Variants in FSHR observed in about 807,000 individuals in gnomAD.
The protein encoded by FSHR is follicle-stimulating hormone receptor.
Under a neutral mutation model 52.1 loss-of-function variants are expected in FSHR, and 46 were observed. The observed-to-expected ratio is 0.88, with a 90% CI of 0.70 to 1.13. FSHR has a LOEUF of 1.13. Among genes scored for constraint, FSHR ranks in the 50% most tolerant of loss-of-function variants. The probability of loss-of-function intolerance (pLI) is 0.00; values close to 1 mark genes in which losing one functional copy is unlikely to be tolerated. For missense variants in FSHR, 964 were observed against 834.6 expected (o/e 1.16, Z -1.91); for synonymous variants, 399 against 309.6 (o/e 1.29, Z -3.03).
chr2:49,131,750 T>C (rs1236845787), intron 1 of FSHR, among the ~76,000 whole-genome samples: 1 of 152,220 alleles, frequency 6.6e-6, no homozygotes, highest in Non-Finnish European at 1.5e-5. Flanking sequence ...ATTATTTCCT[T>C]CAGGAACAAG....
At chr2:49,096,811 C>T (rs759196014) in intron 1 of FSHR, among the ~76,000 whole-genome samples, 1 of 152,168 alleles carries the variant, frequency 6.6e-6, no homozygotes, top group Non-Finnish European at 1.5e-5. Flanking sequence ...GCACCATCCC[C>T]TTAGTGCTGT....
intron 8 of FSHR, among the ~76,000 whole-genome samples, chr2:48,971,647 T>C (rs1423704996): frequency 6.6e-6 from 1 of 152,214 alleles, no homozygotes; most frequent in Admixed American, 6.5e-5. Flanking sequence ...CCTATATACT[T>C]ACTGATTTTT....
chr2:48,972,133 T>C lies in FSHR; in HGVS notation c.669-3250A>G, dbSNP rs149669536. On this transcript the variant is annotated intron_variant, in intron 8 of 9. Coordinates refer to ENST00000406846, the MANE Select transcript of FSHR (RefSeq NM_000145.4). ...AGACTTTGAATAATAAAAATGGCCT[T>C]CCTGATATTTTCTGAAAATCTGTTC... 4.8e-3 allele frequency among the ~76,000 whole-genome samples: 724 copies of C among 152,290 alleles called. 6 individuals are homozygous for C. The highest frequency in any genetic ancestry group is 0.017 in the African/African-American group (697 of 41,548).
intron 2 of FSHR, among the ~76,000 whole-genome samples, chr2:49,050,588 T>C (rs765441959): frequency 6.6e-6 from 1 of 152,182 alleles, no homozygotes; most frequent in Non-Finnish European, 1.5e-5. Flanking sequence ...CAGACTACCT[T>C]GGGTTTAAAT....
chr2:49,138,241 T>C (rs1454204312), intron 1 of FSHR, among the ~76,000 whole-genome samples: 1 of 152,052 alleles, frequency 6.6e-6, no homozygotes, highest in Non-Finnish European at 1.5e-5. Context: ...TGTGAAAAAA[T>C]AGTAAACCTC....
At chr2:49,124,231 G>C (rs987582356) in intron 1 of FSHR, among the ~76,000 whole-genome samples, 2 of 150,590 alleles carry the variant, frequency 1.3e-5, no homozygotes, top group African/African-American at 4.9e-5. Flanking sequence ...TCCTGACCTC[G>C]TGATCCACCC....
intron 1 of FSHR, among the ~76,000 whole-genome samples, chr2:49,100,143 T>C (rs913649706): frequency 4.6e-5 from 7 of 152,154 alleles, no homozygotes; most frequent in African/African-American, 1.2e-4. Context: ...TCCAAGTTTC[T>C]AGATGAGGAG....
At chr2:49,088,406 C>G (rs1289197281) in intron 1 of FSHR, among the ~76,000 whole-genome samples, 1 of 152,122 alleles carries the variant, frequency 6.6e-6, no homozygotes, top group East Asian at 1.9e-4. Flanking sequence ...GAAATTTTAC[C>G]AGAAATTCTT....
rs187245535 is a variant in FSHR, at chr2:49,092,318, C to T, written c.153-24028G>A. Among the ~76,000 whole-genome samples the T allele has an allele frequency of 3.8e-3, 579 of 152,252 alleles. 3 individuals are homozygous for T. Among genetic ancestry groups the T allele is most frequent in the African/African-American group, 0.013 (533 of 41,560 alleles). ...TGTAGACAATCAGGTAATTTATGAA[C>T]AGAGACAATTTTGTTCCTGTGTTTC... On this transcript the variant is annotated intron_variant, in intron 1 of 9. Coordinates refer to ENST00000406846, the MANE Select transcript of FSHR (RefSeq NM_000145.4).
At chr2:49,026,607 A>G (rs766295320) in intron 2 of FSHR, among the ~76,000 whole-genome samples, 10 of 152,228 alleles carry the variant, frequency 6.6e-5, no homozygotes, top group Non-Finnish European at 1.3e-4. Context: ...GATGGTAAAT[A>G]TTACTGCCCT....
At chr2:49,102,437 T>C (rs1671063437) in intron 1 of FSHR, among the ~76,000 whole-genome samples, 1 of 152,096 alleles carries the variant, frequency 6.6e-6, no homozygotes. Context: ...TAAGACACTA[T>C]GGGGTTGGAG....
At chr2:49,041,995 C>G (rs566285204) in intron 2 of FSHR, among the ~76,000 whole-genome samples, 9 of 152,008 alleles carry the variant, frequency 5.9e-5, no homozygotes, top group Non-Finnish European at 1.0e-4. Context: ...AATACAAAAA[C>G]TAGTTGTGTG....
intron 6 of FSHR, among the ~76,000 whole-genome samples, chr2:48,988,493 G>C (rs1397134317): frequency 6.6e-6 from 1 of 152,200 alleles, no homozygotes. Flanking sequence ...CCAAAAGTCA[G>C]AGAGAGTAAC....
intron 2 of FSHR, among the ~76,000 whole-genome samples, chr2:49,036,801 G>C (rs531630039): frequency 2.6e-5 from 4 of 152,154 alleles, no homozygotes; most frequent in African/African-American, 9.7e-5. Flanking sequence ...GTGATGTTGC[G>C]AGTTCTGGCT....
At chr2:49,055,927 T>C (rs1181267413) in intron 2 of FSHR, among the ~76,000 whole-genome samples, 1 of 151,982 alleles carries the variant, frequency 6.6e-6, no homozygotes, top group Non-Finnish European at 1.5e-5. Context: ...CATCTGGAAG[T>C]AAAAAGACTG....
At chr2:49,020,666 T>TA (rs1423783968) in intron 2 of FSHR, among the ~76,000 whole-genome samples, 5 of 152,170 alleles carry the variant, frequency 3.3e-5, no homozygotes, top group Non-Finnish European at 7.3e-5. Flanking sequence ...ACTTTATTCA[T>TA]AAAAACAGGT....
intron 1 of FSHR, among the ~76,000 whole-genome samples, chr2:49,122,170 C>T (rs1671840241): frequency 6.6e-6 from 1 of 152,064 alleles, no homozygotes; most frequent in Non-Finnish European, 1.5e-5. Context: ...TATGCTTTGC[C>T]TAAAGCATGT....
At chr2:49,037,354 T>G (rs1282340249) in intron 2 of FSHR, among the ~76,000 whole-genome samples, 1 of 152,238 alleles carries the variant, frequency 6.6e-6, no homozygotes, top group African/African-American at 2.4e-5. Flanking sequence ...TTTTCATACC[T>G]ACAGCATGTG....
At position 48,963,746 on chromosome 2, in the gene FSHR, T is replaced by C; in HGVS notation, c.1075A>G (p.Ile359Val). ...KPDAFNPCED[I>V]MGYNILRVLI... The stretch of plus-strand genomic sequence containing the variant: ...ACTCTGAGGATGTTGTACCCCATGA[T>C]ATCTTCACATGGGTTGAATGCATCT... Residue 359 changes from isoleucine to valine, a missense_variant, in exon 10 of 10, where the codon ATC (isoleucine) becomes GTC (valine). Transcript: ENST00000406846. 6.2e-7 allele frequency: 1 copy of C among 1,614,144 alleles called. No individual in the cohort carries two copies. Among genetic ancestry groups the C allele is most frequent in the South Asian group, 1.1e-5 (1 of 91,086 alleles).
Sources: gnomAD v4.1 joint callset for allele counts (sites outside exome capture counted in the v4.1 genomes callset) on GRCh38, gnomAD v4.1.1 for gene constraint, MANE v1.5 for transcripts, NCBI Gene and HGNC (gene_info 2026-07-23, HGNC 2026-07-21) for gene names.